CNOT2: variants seen among roughly 807,000 people sequenced by gnomAD.
The protein encoded by CNOT2 is CCR4-NOT transcription complex subunit 2.
Under a neutral mutation model 72.1 loss-of-function variants are expected in CNOT2, and 7 were observed. The ratio of observed to expected loss-of-function variants is 0.10; its 90% CI spans 0.06 to 0.18. The LOEUF (loss-of-function observed/expected upper bound fraction) is 0.18. Ranked by LOEUF, CNOT2 falls within the 10% of genes least tolerant of loss-of-function variation. CNOT2 has a pLI of 1.00. For missense variants in CNOT2, 345 were observed against 660.3 expected, an observed-to-expected ratio of 0.52 and a Z score of 5.23; for synonymous variants, 196 against 225.6, an observed-to-expected ratio of 0.87 and a Z score of 1.17.
At chr12:70,306,892 C>T (rs1189365141) in intron 2 of CNOT2, among the ~76,000 whole-genome samples, 1 of 152,206 alleles carries the variant, frequency 6.6e-6, no homozygotes, top group Admixed American at 6.5e-5. Flanking sequence ...ACCTCTTGCT[C>T]CTAGGCTATA....
chr12:70,261,758 G>A (rs1361308328), intron 1 of CNOT2, among the ~76,000 whole-genome samples: 1 of 151,990 alleles, frequency 6.6e-6, no homozygotes, highest in Non-Finnish European at 1.5e-5. Flanking sequence ...CTCTGTTTTA[G>A]AAGAGTTTGT....
At chr12:70,302,349 A>T (rs959713511) in intron 2 of CNOT2, among the ~76,000 whole-genome samples, 5 of 150,908 alleles carry the variant, frequency 3.3e-5, no homozygotes, top group South Asian at 2.1e-4. Flanking sequence ...TCTTGTGGGC[A>T]TTTAGTGCTA....
rs543868986 is a variant in CNOT2, at chr12:70,354,064, A to G, written c.*149A>G. The G allele has an allele frequency of 1.5e-6, 2 of 1,354,926 alleles. No homozygotes were observed. The highest frequency in any genetic ancestry group is 3.7e-5 in the South Asian group (2 of 53,746). 83.9% of individuals were successfully genotyped at this position (1,354,926 alleles called of 1,614,324 possible). On this transcript the variant is annotated 3_prime_UTR_variant, in exon 16 of 16. Transcript: ENST00000229195. The stretch of plus-strand genomic sequence containing the variant: ...TGGCAATTGGCTTACGCAAAAGGTC[A>G]CCATTTGAGGTCCTGCCTTACTAAT...
chr12:70,266,168 G>A (rs1180909200), intron 1 of CNOT2, among the ~76,000 whole-genome samples: 3 of 151,758 alleles, frequency 2.0e-5, no homozygotes, highest in African/African-American at 4.8e-5. Flanking sequence ...GTGCAATGGC[G>A]CCATCTTGGC....
intron 7 of CNOT2, among the ~76,000 whole-genome samples, chr12:70,334,190 T>G (rs1330918100): frequency 6.6e-6 from 1 of 151,998 alleles, no homozygotes; most frequent in African/African-American, 2.4e-5. Context: ...ATATTCAAAA[T>G]GTATGACTCA....
chr12:70,290,996 G>T (rs1167328670), intron 2 of CNOT2, among the ~76,000 whole-genome samples: 1 of 152,076 alleles, frequency 6.6e-6, no homozygotes, highest in Non-Finnish European at 1.5e-5. Flanking sequence ...AGCATTTAAG[G>T]TCATTTAGAA....
At chr12:70,252,865 C>T (rs1008880776) in intron 1 of CNOT2, among the ~76,000 whole-genome samples, 5 of 152,030 alleles carry the variant, frequency 3.3e-5, no homozygotes, top group African/African-American at 4.8e-5. Context: ...GTTTTTTGTT[C>T]GTGTTCGTTT....
intron 2 of CNOT2, among the ~76,000 whole-genome samples, chr12:70,289,011 C>A (rs573378930): frequency 2.0e-5 from 3 of 151,678 alleles, no homozygotes; most frequent in African/African-American, 7.3e-5. Context: ...TCTCTCCTTT[C>A]GCTTTTTTTT....
intron 1 of CNOT2, among the ~76,000 whole-genome samples, chr12:70,254,201 G>C (rs575489215): frequency 6.7e-6 from 1 of 148,198 alleles, no homozygotes; most frequent in Admixed American, 6.8e-5. Context: ...TCACGCCACT[G>C]CACTCCAGCC....
At chr12:70,259,999 C>T (rs1364712082) in intron 1 of CNOT2, among the ~76,000 whole-genome samples, 2 of 152,226 alleles carry the variant, frequency 1.3e-5, no homozygotes, top group South Asian at 2.1e-4. Flanking sequence ...TATTTCTGGA[C>T]TCTCAATTCT....
chr12:70,301,911 T>C (rs1353450673), intron 2 of CNOT2: 2 of 152,242 alleles, frequency 1.3e-5, no homozygotes, highest in Admixed American at 6.5e-5. Context: ...GTTATTGGTC[T>C]ATTCAGAGAT....
chr12:70,338,498 G>C lies in CNOT2; in HGVS notation c.956G>C (p.Gly319Ala). The change falls in exon 10 of 16, where the codon GGA (glycine) becomes GCA (alanine). Residue 319 changes from glycine to alanine, a missense_variant. By Grantham distance (60) the Gly-to-Ala change is moderately conservative. This residue lies in a region of CNOT2 where 128 missense variants were observed against 233.0 expected (regional missense o/e 0.55). Coordinates refer to ENST00000229195, the MANE Select transcript of CNOT2 (RefSeq NM_014515.7). The part of the protein sequence containing the change: ...TSSTDGPKFP[G>A]DKSSTTQNNN... Reference sequence around the variant, plus strand: ...AGTACAGATGGACCCAAATTCCCTGGAGATAAAAGTTCAACAACACAAAAT... The same window carrying C: ...AGTACAGATGGACCCAAATTCCCTGCAGATAAAAGTTCAACAACACAAAAT... 1 of 1,613,156 alleles carries C rather than the reference G, an allele frequency of 6.2e-7. No individual in the cohort carries two copies. Among genetic ancestry groups the C allele is most frequent in the Non-Finnish European group, 8.5e-7 (1 of 1,179,516 alleles).
chr12:70,277,573 G>A (rs996371217), intron 1 of CNOT2, among the ~76,000 whole-genome samples: 2 of 152,034 alleles, frequency 1.3e-5, no homozygotes, highest in Non-Finnish European at 2.9e-5. Context: ...TTGGAGTAAA[G>A]TTTAATAGAT....
At chr12:70,274,842 T>G (rs1868487852) in intron 1 of CNOT2, among the ~76,000 whole-genome samples, 1 of 152,110 alleles carries the variant, frequency 6.6e-6, no homozygotes, top group Admixed American at 6.6e-5. Context: ...GATTCATCCA[T>G]CTTGCATGAA....
rs1435943029 is a variant in CNOT2, at chr12:70,335,444, G to A, written c.656G>A (p.Ser219Asn). ...SSNIFNGTDG[S>N]ENVTGLDLSD... is the part of the protein sequence containing the mutation. ...GTCCTTTCTTATTATTTAGACGGAA[G>A]TGAAAATGTGACAGGATTGGACCTT... is the stretch of plus-strand genomic sequence containing the variant. The change falls in exon 8 of 16, where the codon AGT (serine) becomes AAT (asparagine). Residue 219 changes from serine (S) to asparagine (N), a missense_variant. Transcript: ENST00000229195. 1.2e-6 allele frequency: 2 copies of A among 1,600,398 alleles called. No individual in the cohort carries two copies. The highest frequency in any genetic ancestry group is 2.2e-5 in the South Asian group (2 of 90,728).
At chr12:70,283,478 T>TAGATAGAC (rs1316939466) in intron 2 of CNOT2, among the ~76,000 whole-genome samples, 4 of 149,956 alleles carry the variant, frequency 2.7e-5, no homozygotes, top group African/African-American at 7.4e-5. Context: ...GATAGATAGA[T>TAGATAGAC]AGATAGATAG....
intron 1 of CNOT2, among the ~76,000 whole-genome samples, chr12:70,267,996 A>C (rs188209239): frequency 1.3e-5 from 2 of 152,226 alleles, no homozygotes; most frequent in Non-Finnish European, 2.9e-5. Flanking sequence ...AGTATTTACT[A>C]TCTGACCCTT....
chr12:70,319,071 CTT>C (rs1877852255), intron 3 of CNOT2: 1 of 347,020 alleles, frequency 2.9e-6, no homozygotes, highest in Non-Finnish European at 5.2e-6. Context: ...TTTTAGAAAA[CTT>C]ATAGTATTAA....
chr12:70,288,394 A>G (rs185440496), intron 2 of CNOT2, among the ~76,000 whole-genome samples: 1 of 152,084 alleles, frequency 6.6e-6, no homozygotes, highest in Admixed American at 6.5e-5. Flanking sequence ...TGATCCACCT[A>G]CCTCGGCCTG....
Sources: gnomAD v4.1 joint callset for allele counts (sites outside exome capture counted in the v4.1 genomes callset) on GRCh38, gnomAD v4.1.1 for gene constraint, gnomAD v4.1.1 regional missense constraint, MANE v1.5 for transcripts, NCBI Gene and HGNC (gene_info 2026-07-23, HGNC 2026-07-21) for gene names.